Variants in PPM1H observed in about 807,000 individuals in gnomAD.
The protein encoded by PPM1H is protein phosphatase 1H.
In PPM1H, 27 loss-of-function variants were observed where a neutral mutation model predicts 54.9. That is an observed-to-expected ratio of 0.49 (90% CI 0.36 to 0.68). The LOEUF is 0.68. PPM1H is among the 30% of genes least tolerant of loss of function. The probability of loss-of-function intolerance (pLI) is 0.00; values close to 1 mark genes in which losing one functional copy is unlikely to be tolerated. For synonymous variants in PPM1H, 305 were observed against 270.8 expected, an observed-to-expected ratio of 1.13 and a Z score of -1.24; for missense variants, 596 against 667.8, an observed-to-expected ratio of 0.89 and a Z score of 1.19.
At chr12:62,690,025 A>G (rs2076074573) in intron 7 of PPM1H, among the ~76,000 whole-genome samples, 2 of 152,338 alleles carry the variant, frequency 1.3e-5, no homozygotes, top group East Asian at 1.9e-4. Flanking sequence ...TCTATCCATT[A>G]TCTTAAGCTT....
intron 1 of PPM1H, among the ~76,000 whole-genome samples, chr12:62,898,058 C>G (rs1185868453): frequency 6.6e-6 from 1 of 152,198 alleles, no homozygotes; most frequent in African/African-American, 2.4e-5. Context: ...GGAACAGTCA[C>G]TATAGGTCCT....
chr12:62,723,471 T>TGGGA (rs1038998609), intron 5 of PPM1H, among the ~76,000 whole-genome samples: 2 of 152,158 alleles, frequency 1.3e-5, no homozygotes, highest in Non-Finnish European at 2.9e-5. Context: ...GCAACAATGT[T>TGGGA]GGGAGGCAGA....
At chr12:62,677,979 C>G (rs192611932) in intron 8 of PPM1H, among the ~76,000 whole-genome samples, 89 of 152,096 alleles carry the variant, frequency 5.9e-4, no homozygotes, top group Non-Finnish European at 9.7e-4. Flanking sequence ...CTCTGTTGCC[C>G]AGGCTGTGGT....
chr12:62,931,116 T>G (rs1033806079), intron 1 of PPM1H, among the ~76,000 whole-genome samples: 2 of 152,198 alleles, frequency 1.3e-5, no homozygotes, highest in African/African-American at 4.8e-5. Flanking sequence ...CTCCTTAATT[T>G]TTCTACCATC....
intron 5 of PPM1H, among the ~76,000 whole-genome samples, chr12:62,733,045 A>G (rs2076331463): frequency 6.6e-6 from 1 of 152,190 alleles, no homozygotes; most frequent in Admixed American, 6.5e-5. Flanking sequence ...ACTGTATTTT[A>G]TATTACCATG....
intron 2 of PPM1H, among the ~76,000 whole-genome samples, chr12:62,817,116 T>TAAAAA (rs1189819660): frequency 1.7e-4 from 7 of 41,752 alleles, no homozygotes; most frequent in East Asian, 7.4e-4. Flanking sequence ...ACTGCATTAC[T>TAAAAA]AAAAAAAAAA....
At chr12:62,737,312 G>A (rs1159826221) in intron 5 of PPM1H, among the ~76,000 whole-genome samples, 190 bp downstream of exon 5, 2 of 151,858 alleles carry the variant, frequency 1.3e-5, no homozygotes, top group Non-Finnish European at 2.9e-5. Context: ...ATAAATTCAC[G>A]GAGGTGGAGT....
intron 4 of PPM1H, among the ~76,000 whole-genome samples, chr12:62,759,188 C>T (rs971900103): frequency 7.9e-5 from 12 of 152,206 alleles, no homozygotes; most frequent in African/African-American, 2.7e-4. Flanking sequence ...TCTCTTCACA[C>T]GAACACGTGA....
At chr12:62,799,308 G>A (rs1418566167) in intron 3 of PPM1H, among the ~76,000 whole-genome samples, 2 of 152,200 alleles carry the variant, frequency 1.3e-5, no homozygotes, top group Non-Finnish European at 2.9e-5. Context: ...CTGAGTCAAT[G>A]TGACATTGGC....
Position 62,766,822 on chromosome 12 carries a change from C to T in PPM1H, c.869+21404G>A, listed in dbSNP as rs34664326. 6.4e-3 allele frequency among the ~76,000 whole-genome samples: 974 copies of T among 152,262 alleles called. 9 individuals carry two copies. Among genetic ancestry groups the T allele is most frequent in the Admixed American group, 0.016 (244 of 15,294 alleles). ...CACAAGTGTGAGCTTCAGGCTTTAC[C>T]AGGGATAGATTTGAGAATTTCTAGA... On this transcript the variant is annotated intron_variant, in intron 4 of 9. Transcript: ENST00000228705.
intron 9 of PPM1H, among the ~76,000 whole-genome samples, chr12:62,656,144 T>C (rs1279134315): frequency 6.6e-6 from 1 of 152,242 alleles, no homozygotes; most frequent in Non-Finnish European, 1.5e-5. Flanking sequence ...CAGATTCTGT[T>C]GCTGTCCTTA....
intron 4 of PPM1H, among the ~76,000 whole-genome samples, chr12:62,746,348 G>A (rs1437859812): frequency 3.3e-5 from 5 of 152,212 alleles, no homozygotes; most frequent in Non-Finnish European, 7.3e-5. Context: ...ATATCCAGGT[G>A]TGATTTATTC....
chr12:62,728,835 G>C (rs1022102729), intron 5 of PPM1H, among the ~76,000 whole-genome samples: 5 of 152,218 alleles, frequency 3.3e-5, no homozygotes, highest in Non-Finnish European at 7.3e-5. Flanking sequence ...CTCCAGCGGA[G>C]GGCTGAGCAC....
At chr12:62,696,794 T>G (rs961866920) in intron 6 of PPM1H, among the ~76,000 whole-genome samples, 3 of 150,754 alleles carry the variant, frequency 2.0e-5, no homozygotes, top group African/African-American at 7.4e-5. Flanking sequence ...CCCAGAGAGG[T>G]TAAGTTACTC....
chr12:62,923,464 C>T (rs1695005), intron 1 of PPM1H, among the ~76,000 whole-genome samples: 1 of 151,938 alleles, frequency 6.6e-6, no homozygotes, highest in East Asian at 1.9e-4. Flanking sequence ...TGCAATGGCG[C>T]GATCTCGGCT....
At chr12:62,907,793 G>C (rs1309556952) in intron 1 of PPM1H, among the ~76,000 whole-genome samples, 1 of 152,108 alleles carries the variant, frequency 6.6e-6, no homozygotes, top group Non-Finnish European at 1.5e-5. Context: ...CTGCACTTCA[G>C]TTTCAGATCT....
chr12:62,915,076 T>C (rs1871578033), intron 1 of PPM1H, among the ~76,000 whole-genome samples: 1 of 152,218 alleles, frequency 6.6e-6, no homozygotes, highest in South Asian at 2.1e-4. Context: ...TAAATAAAGT[T>C]CCTTTTGATG....
At chr12:62,866,065 A>T (rs1869763936) in intron 1 of PPM1H, among the ~76,000 whole-genome samples, 1 of 152,180 alleles carries the variant, frequency 6.6e-6, no homozygotes. Context: ...TCTTCCAAGC[A>T]GTCTAGTTAT....
intron 2 of PPM1H, among the ~76,000 whole-genome samples, chr12:62,830,405 G>A (rs1237591005): frequency 1.3e-5 from 2 of 151,976 alleles, no homozygotes; most frequent in Non-Finnish European, 2.9e-5. Flanking sequence ...ACAGGCACCC[G>A]CCACCATGCC....
Sources: allele counts gnomAD v4.1 joint callset (sites outside exome capture counted in the v4.1 genomes callset), GRCh38; gene constraint gnomAD v4.1.1; transcripts MANE v1.5; gene names NCBI Gene and HGNC (gene_info 2026-07-23, HGNC 2026-07-21).